The following PCMTD1 variants were observed in gnomAD, a reference collection of about 807,000 sequenced individuals.
PCMTD1 encodes the protein protein-L-isoaspartate O-methyltransferase domain-containing protein 1.
In PCMTD1, 12 loss-of-function variants were observed where a neutral mutation model predicts 37.6. That is an observed-to-expected ratio of 0.32 (90% CI 0.20 to 0.52). The LOEUF is 0.52. PCMTD1 is among the 20% of genes least tolerant of loss of function. PCMTD1 has a pLI of 0.97. For synonymous variants in PCMTD1, 117 were observed against 135.8 expected, an observed-to-expected ratio of 0.86 and a Z score of 0.96; for missense variants, 235 against 421.3, an observed-to-expected ratio of 0.56 and a Z score of 3.87.
chr8:51,831,162 G>A (rs2037992259), intron 5 of PCMTD1, among the ~76,000 whole-genome samples: 1 of 152,004 alleles, frequency 6.6e-6, no homozygotes, highest in Admixed American at 6.6e-5. Flanking sequence ...GCCAGGCGTG[G>A]CGGTGCACAC....
At chr8:51,859,168 G>A (rs2038435747) in intron 2 of PCMTD1, among the ~76,000 whole-genome samples, 1 of 152,120 alleles carries the variant, frequency 6.6e-6, no homozygotes, top group East Asian at 1.9e-4. Flanking sequence ...GCCAAACATG[G>A]TATAAGGCTT....
intron 1 of PCMTD1, among the ~76,000 whole-genome samples, chr8:51,867,424 A>G (rs2038570750): frequency 6.6e-6 from 1 of 151,734 alleles, no homozygotes; most frequent in Non-Finnish European, 1.5e-5. Context: ...ACAATAGCCA[A>G]GATATGTAAG....
At chr8:51,846,195 C>A (rs905570379) in intron 2 of PCMTD1, among the ~76,000 whole-genome samples, 1 of 152,144 alleles carries the variant, frequency 6.6e-6, no homozygotes, top group East Asian at 1.9e-4. Context: ...GGCATCGCTA[C>A]CCCCAGCCAG....
Position 51,849,902 on chromosome 8 carries a change from C to A in PCMTD1, c.308-4139G>T. On this transcript the variant is annotated intron_variant, in intron 2 of 5. Transcript: ENST00000522514. ...GGTGCTGATGAGTAGAAGACTGAGG[C>A]AGACCAAGGAAACCTGAGAGTTCCA... is the stretch of plus-strand genomic sequence containing the variant. 4.9e-6 allele frequency: 3 copies of A among 608,990 alleles called. No homozygotes were observed. The East Asian group carries it at 8.3e-5, about 17-fold the overall frequency. 37.7% of individuals were successfully genotyped at this position (608,990 alleles called of 1,614,324 possible). A position where few individuals can be genotyped will look rare whatever the true frequency, so the allele number is the denominator to read the frequency against.
At position 51,819,066 on chromosome 8, in the gene PCMTD1, T is replaced by C. The variant is rs1049239498; in HGVS notation, c.*1285A>G. 2 of 152,154 alleles carry C rather than the reference T, an allele frequency of 1.3e-5. No homozygotes were observed. Among genetic ancestry groups the C allele is most frequent in the African/African-American group, 4.8e-5 (2 of 41,436 alleles). 9.4% of individuals were successfully genotyped at this position (152,154 alleles called of 1,614,324 possible). A position where few individuals can be genotyped will look rare whatever the true frequency, so the allele number is the denominator to read the frequency against. ...CCTTATTAGGAAAACAAACAAACAATGGCAGTTACTACCTGTTTTTTATCA... is the reference window on the plus strand; with the variant it reads ...CCTTATTAGGAAAACAAACAAACAACGGCAGTTACTACCTGTTTTTTATCA... On this transcript the variant is annotated 3_prime_UTR_variant, in exon 6 of 6. Coordinates refer to ENST00000522514, the MANE Select transcript of PCMTD1 (RefSeq NM_052937.4).
intron 3 of PCMTD1, among the ~76,000 whole-genome samples, chr8:51,835,254 T>TA (rs1480123380): frequency 6.6e-6 from 1 of 152,196 alleles, no homozygotes; most frequent in Non-Finnish European, 1.5e-5. Flanking sequence ...CTTCTACCCT[T>TA]AATAAATGCC....
chr8:51,852,442 T>C (rs1192764841), intron 2 of PCMTD1, among the ~76,000 whole-genome samples: 2 of 152,222 alleles, frequency 1.3e-5, no homozygotes, highest in East Asian at 1.9e-4. Flanking sequence ...GTAAATGTTA[T>C]TAAGTACATT....
chr8:51,899,027 A>T lies in PCMTD1; in HGVS notation c.-193T>A. 1 of 1,511,916 alleles carries T rather than the reference A, an allele frequency of 6.6e-7. No homozygotes were observed. Among genetic ancestry groups the T allele is most frequent in the Non-Finnish European group, 8.8e-7 (1 of 1,137,046 alleles). 93.7% of individuals were successfully genotyped at this position (1,511,916 alleles called of 1,614,324 possible). A position where few individuals can be genotyped will look rare whatever the true frequency, so the allele number is the denominator to read the frequency against. ...CCACCACAATAACAACACGGACGCC[A>T]CCGCCGAGTGGAGAGGCGGGGCCCG... On this transcript the variant is annotated 5_prime_UTR_variant, in exon 1 of 6. Transcript: ENST00000522514.
Position 51,868,596 on chromosome 8 carries a change from A to G in PCMTD1, c.-95-7350T>C, listed in dbSNP as rs75823868. 2.7e-3 allele frequency among the ~76,000 whole-genome samples: 418 copies of G among 152,274 alleles called. 1 individual carries two copies. Among genetic ancestry groups the G allele is most frequent in the Non-Finnish European group, 5.1e-3 (350 of 68,014 alleles). On this transcript the variant is annotated intron_variant, in intron 1 of 5. Transcript: ENST00000522514. ...ATAGAGAGAGCACAGATGAAGTATAATAAAGCCATATGGAAAATTTCCTAA... is the reference window on the plus strand; with the variant it reads ...ATAGAGAGAGCACAGATGAAGTATAGTAAAGCCATATGGAAAATTTCCTAA...
chr8:51,891,253 C>T (rs2038931176), intron 1 of PCMTD1, among the ~76,000 whole-genome samples: 1 of 152,106 alleles, frequency 6.6e-6, no homozygotes, highest in African/African-American at 2.4e-5. Flanking sequence ...ACATACCACC[C>T]TAAAAATAAA....
At chr8:51,827,386 G>A (rs751125862) in intron 5 of PCMTD1, 19 of 696,516 alleles carry the variant, frequency 2.7e-5, no homozygotes, top group African/African-American at 1.7e-4. Context: ...TGGAAAAATT[G>A]AGAAATAAGC....
intron 2 of PCMTD1, among the ~76,000 whole-genome samples, chr8:51,846,667 GC>G (rs2038224770): frequency 6.6e-6 from 1 of 152,150 alleles, no homozygotes; most frequent in Admixed American, 6.5e-5. Flanking sequence ...AACTGGATGT[GC>G]CCTCTACCAA....
chr8:51,892,511 A>G (rs2038950200), intron 1 of PCMTD1, among the ~76,000 whole-genome samples: 1 of 152,232 alleles, frequency 6.6e-6, no homozygotes, highest in Non-Finnish European at 1.5e-5. Flanking sequence ...CAAAAAGCCC[A>G]TTTCAGCTTT....
intron 1 of PCMTD1, among the ~76,000 whole-genome samples, chr8:51,889,153 G>A (rs2038903793): frequency 6.6e-6 from 1 of 152,152 alleles, no homozygotes; most frequent in South Asian, 2.1e-4. Flanking sequence ...GAGAGCATGA[G>A]GTTATCAGTC....
intron 1 of PCMTD1, 31 bp downstream of exon 1, chr8:51,898,899 G>A: frequency 6.1e-6 from 8 of 1,308,006 alleles, no homozygotes; most frequent in Non-Finnish European, 7.8e-6. Context: ...CACACCCCAC[G>A]ACCCCGAGCC....
chr8:51,833,762 C>T (rs2038029236), intron 3 of PCMTD1, 73 bp from the exon 4 acceptor site: 3 of 1,218,420 alleles, frequency 2.5e-6, no homozygotes, highest in Non-Finnish European at 3.4e-6. Flanking sequence ...ATAATCCAGT[C>T]CTTTGAAATA....
rs2038968264 is a variant in PCMTD1, at chr8:51,893,961, T to C, written c.-96+4969A>G. Among the ~76,000 whole-genome samples, 3 of 152,370 alleles carry C rather than the reference T, an allele frequency of 2.0e-5. No homozygotes were observed. In the South Asian group the frequency reaches 6.2e-4, roughly 32 times the overall value. Reference sequence around the variant, plus strand: ...AGGAACAGTAAGACATAGTTTGTGCTTCAAGCATCTTATATAATCCAATTA... The same window carrying C: ...AGGAACAGTAAGACATAGTTTGTGCCTCAAGCATCTTATATAATCCAATTA... On this transcript the variant is annotated intron_variant, in intron 1 of 5. Transcript: ENST00000522514.
chr8:51,893,036 G>T (rs2038957421), intron 1 of PCMTD1, among the ~76,000 whole-genome samples: 1 of 152,102 alleles, frequency 6.6e-6, no homozygotes, highest in Non-Finnish European at 1.5e-5. Context: ...CTTACAATTT[G>T]TATCTTCAAA....
At chr8:51,897,148 T>C (rs982661103) in intron 1 of PCMTD1, among the ~76,000 whole-genome samples, 1 of 152,242 alleles carries the variant, frequency 6.6e-6, no homozygotes, top group Non-Finnish European at 1.5e-5. Flanking sequence ...CTTCCTCAGT[T>C]GTTCTTTCCC....
Sources: allele counts gnomAD v4.1 joint callset (sites outside exome capture counted in the v4.1 genomes callset), GRCh38; gene constraint gnomAD v4.1.1; transcripts MANE v1.5; gene names NCBI Gene and HGNC (gene_info 2026-07-23, HGNC 2026-07-21).